Variants in PTPN3 observed in about 807,000 individuals in gnomAD.
PTPN3 encodes the protein protein tyrosine phosphatase non-receptor type 3.
A neutral mutation model predicts 132.7 loss-of-function variants in PTPN3; 96 were observed. The ratio of observed to expected loss-of-function variants is 0.72; its 90% CI spans 0.61 to 0.86. The LOEUF is 0.86. PTPN3 is among the 40% of genes least tolerant of loss of function. The pLI, the probability that PTPN3 is intolerant of heterozygous loss-of-function variation, is 0.00. For synonymous variants in PTPN3, 398 were observed against 429.0 expected, an observed-to-expected ratio of 0.93 and a Z score of 0.89; for missense variants, 1,125 against 1,159.6, an observed-to-expected ratio of 0.97 and a Z score of 0.43.
At chr9:109,459,744 G>A (rs962183785) in intron 2 of PTPN3, among the ~76,000 whole-genome samples, 4 of 151,992 alleles carry the variant, frequency 2.6e-5, no homozygotes, top group African/African-American at 4.8e-5. Context: ...ATGCTCACTC[G>A]GGGTAGGTGC....
rs4978393 is a variant in PTPN3 at position 109,495,939 on chromosome 9, C to T, written c.-18+2280G>A. On this transcript the variant is annotated intron_variant, in intron 1 of 25. Coordinates refer to ENST00000374541, the MANE Select transcript of PTPN3 (RefSeq NM_002829.4). The stretch of plus-strand genomic sequence containing the variant: ...TGACCAGGGCCTGCCCTTTCCTGCA[C>T]GGAAGTGGATGCAGGCAACCTGGAT... Among the ~76,000 whole-genome samples, 592 of 152,326 alleles carry T rather than the reference C, an allele frequency of 3.9e-3. 21 individuals carry two copies. The highest frequency in any genetic ancestry group is 0.034 in the Admixed American group (521 of 15,302).
At chr9:109,433,027 T>G in intron 10 of PTPN3, 46 bp downstream of exon 10, 1 of 1,604,160 alleles carries the variant, frequency 6.2e-7, no homozygotes, top group Admixed American at 1.7e-5. Context: ...GTTAGGCATA[T>G]TTTTAAAGCA....
the PTPN3 span, among the ~76,000 whole-genome samples, chr9:109,514,083 T>TGG: frequency 1.3e-5 from 2 of 152,118 alleles, no homozygotes; most frequent in Non-Finnish European, 2.9e-5. Context: ...CCCTCTCTCT[T>TGG]GCCAAACAAA....
At chr9:109,419,848 T>TC (rs1429444022) in intron 14 of PTPN3, among the ~76,000 whole-genome samples, 1 of 152,190 alleles carries the variant, frequency 6.6e-6, no homozygotes, top group African/African-American at 2.4e-5. Flanking sequence ...ATGAGGGAAC[T>TC]CTGTCACGTT....
intron 14 of PTPN3, among the ~76,000 whole-genome samples, chr9:109,415,089 T>A (rs1032763085): frequency 2.5e-3 from 378 of 150,088 alleles, no homozygotes; most frequent in Admixed American, 4.5e-3. Flanking sequence ...CATCCATCCA[T>A]CCATCCATCC....
the PTPN3 span, among the ~76,000 whole-genome samples, chr9:109,514,844 T>C: frequency 2.6e-5 from 4 of 152,252 alleles, no homozygotes; most frequent in African/African-American, 9.6e-5. Flanking sequence ...AATATGCTTG[T>C]GGGGTTAAGC....
chr9:109,446,843 C>T (rs1844895743), intron 6 of PTPN3, among the ~76,000 whole-genome samples: 1 of 152,234 alleles, frequency 6.6e-6, no homozygotes, highest in Non-Finnish European at 1.5e-5. Context: ...TCACCTTGGG[C>T]TTCAGGGTCT....
chr9:109,518,596 A>G, the PTPN3 span, among the ~76,000 whole-genome samples: 1 of 152,166 alleles, frequency 6.6e-6, no homozygotes, highest in Non-Finnish European at 1.5e-5. Context: ...TTAATTCACC[A>G]GCCTGCCAAG....
intron 21 of PTPN3, among the ~76,000 whole-genome samples, chr9:109,390,476 G>A (rs577277566): frequency 2.0e-5 from 3 of 152,258 alleles, no homozygotes; most frequent in African/African-American, 7.2e-5. Context: ...GGTTCAGATA[G>A]CATTAGGAGA....
chr9:109,536,932 C>A, the PTPN3 span, among the ~76,000 whole-genome samples: 1 of 152,102 alleles, frequency 6.6e-6, no homozygotes, highest in African/African-American at 2.4e-5. Context: ...CTGCCCCTCC[C>A]TTCCCCCCAC....
the PTPN3 span, among the ~76,000 whole-genome samples, chr9:109,506,524 C>CTTCCTCCCTCCCTCCT: frequency 6.7e-6 from 1 of 149,944 alleles, no homozygotes; most frequent in Non-Finnish European, 1.5e-5. Context: ...TCTTTCCTTC[C>CTTCCTCCCTCCCTCCT]TTCCTCCCTC....
intron 7 of PTPN3, among the ~76,000 whole-genome samples, chr9:109,441,479 G>A (rs1844464921): frequency 6.6e-6 from 1 of 152,074 alleles, no homozygotes; most frequent in Non-Finnish European, 1.5e-5. Context: ...GCAGGATGAA[G>A]TGCACCCCTG....
chr9:109,471,157 A>C (rs1319674983), intron 1 of PTPN3, among the ~76,000 whole-genome samples: 3 of 151,976 alleles, frequency 2.0e-5, no homozygotes, highest in Admixed American at 2.0e-4. Context: ...CCTGGGCTGA[A>C]GCAATTCTTG....
chr9:109,494,239 G>A (rs1488654908), intron 1 of PTPN3, among the ~76,000 whole-genome samples: 1 of 152,228 alleles, frequency 6.6e-6, no homozygotes, highest in African/African-American at 2.4e-5. Context: ...GGGAGGCCAA[G>A]GCAGGAGGAC....
the PTPN3 span, among the ~76,000 whole-genome samples, chr9:109,520,158 CAAA>C: frequency 1.6e-5 from 2 of 125,452 alleles, no homozygotes; most frequent in Non-Finnish European, 1.7e-5. Flanking sequence ...GAGTCTGTCT[CAAA>C]AAAAAAAAAA....
chr9:109,387,888 A>T (rs1839728326), intron 22 of PTPN3, among the ~76,000 whole-genome samples: 1 of 152,232 alleles, frequency 6.6e-6, no homozygotes, highest in Non-Finnish European at 1.5e-5. Context: ...CTCAAGGGAG[A>T]GCACAAAGAA....
intron 12 of PTPN3, among the ~76,000 whole-genome samples, chr9:109,425,572 G>A (rs1215139337): frequency 1.3e-5 from 2 of 151,970 alleles, no homozygotes; most frequent in African/African-American, 2.4e-5. Flanking sequence ...TCAGCTGGGC[G>A]TGGTGGTGGG....
rs1554777578 is a variant in PTPN3 at position 109,391,872 on chromosome 9, G to GT, written c.1954-312_1954-311insA. Among the ~76,000 whole-genome samples, 569 of 89,538 alleles carry GT rather than the reference G, an allele frequency of 6.4e-3. 34 individuals carry two copies. Among genetic ancestry groups the GT allele is most frequent in the Middle Eastern group, 0.03 (6 of 200 alleles). 58.7% of individuals were successfully genotyped at this position (89,538 alleles called of 152,430 possible). On this transcript the variant is annotated intron_variant, in intron 19 of 25. Transcript: ENST00000374541. The stretch of plus-strand genomic sequence containing the variant: ...CAAGAGCTAAAAGCAACTAGATGTG[G>GT]GGGGGGGGGGGAAGAATTCTGGCTC...
chr9:109,483,028 A>G (rs905567475), intron 1 of PTPN3, among the ~76,000 whole-genome samples: 18 of 152,188 alleles, frequency 1.2e-4, no homozygotes, highest in Non-Finnish European at 2.9e-5. Flanking sequence ...AAAAGTCTTG[A>G]TCCCCAGTCT....
Sources: gnomAD v4.1 joint callset for allele counts (sites outside exome capture counted in the v4.1 genomes callset) on GRCh38, gnomAD v4.1.1 for gene constraint, MANE v1.5 for transcripts, NCBI Gene and HGNC (gene_info 2026-07-23, HGNC 2026-07-21) for gene names.